FGF12: variants seen among roughly 807,000 people sequenced by gnomAD.
FGF12 encodes fibroblast growth factor 12B.
FGF12 carries 14 observed loss-of-function variants against 23.6 expected under a neutral mutation model. The observed-to-expected ratio is 0.59, with a 90% CI of 0.39 to 0.93. FGF12 has a LOEUF of 0.93. Among genes scored for constraint, FGF12 ranks in the 40% least tolerant of loss-of-function variants. The pLI, the probability that FGF12 is intolerant of heterozygous loss-of-function variation, is 0.00. For synonymous variants in FGF12, 62 were observed against 77.3 expected (o/e 0.80, Z 1.04); for missense variants, 175 against 217.8 (o/e 0.80, Z 1.24).
chr3:192,372,609 G>T lies in FGF12; in HGVS notation c.14-12071C>A, dbSNP rs544204015. ...ATTTGGGGTCTAATTCCAATTGTTT[G>T]CTTCTCTCCATCCGCACTGCCTCCA... On this transcript the variant is annotated intron_variant, in intron 2 of 5. Transcript: ENST00000445105. Among the ~76,000 whole-genome samples, 2 of 152,314 alleles carry T rather than the reference G, an allele frequency of 1.3e-5. 1 individual carries two copies. The highest frequency in any genetic ancestry group is 4.1e-4 in the South Asian group (2 of 4,832).
chr3:192,586,033 G>GA (rs34002901), intron 2 of FGF12, among the ~76,000 whole-genome samples: 17,273 of 151,942 alleles, frequency 0.11, 1,102 homozygotes, highest in Middle Eastern at 0.14. Flanking sequence ...GTCCATAAAA[G>GA]AAAAAAATCA....
At chr3:192,302,954 A>G (rs541764539) in intron 4 of FGF12, among the ~76,000 whole-genome samples, 1 of 152,358 alleles carries the variant, frequency 6.6e-6, no homozygotes, top group African/African-American at 2.4e-5. Flanking sequence ...GATTTTAAAC[A>G]TGGGAAGTCA....
intron 2 of FGF12, among the ~76,000 whole-genome samples, chr3:192,549,466 T>C (rs1194622667): frequency 6.6e-6 from 1 of 152,110 alleles, no homozygotes; most frequent in Non-Finnish European, 1.5e-5. Context: ...GTGTATAAAG[T>C]GTCAGATATA....
chr3:192,726,536 C>T (rs1221036362), intron 2 of FGF12, among the ~76,000 whole-genome samples: 1 of 152,092 alleles, frequency 6.6e-6, no homozygotes, highest in African/African-American at 2.4e-5. Flanking sequence ...TGCAGATTTG[C>T]TTATGAGGAG....
intron 4 of FGF12, among the ~76,000 whole-genome samples, chr3:192,250,711 C>A (rs1406268657): frequency 6.6e-6 from 1 of 151,678 alleles, no homozygotes; most frequent in Non-Finnish European, 1.5e-5. Context: ...AGAATCAAAA[C>A]ATAGTATAAA....
chr3:192,661,658 A>T (rs1716676682), intron 2 of FGF12, among the ~76,000 whole-genome samples: 1 of 152,242 alleles, frequency 6.6e-6, no homozygotes, highest in Non-Finnish European at 1.5e-5. Context: ...ATCCTTAAGA[A>T]CAAATCTTAA....
intron 3 of FGF12, among the ~76,000 whole-genome samples, chr3:192,341,187 A>G (rs1362674211): frequency 6.6e-6 from 1 of 152,138 alleles, no homozygotes; most frequent in African/African-American, 2.4e-5. Context: ...ACAACAAACA[A>G]ATGGCCAACA....
intron 2 of FGF12, among the ~76,000 whole-genome samples, chr3:192,482,912 T>C (rs1373971543): frequency 6.6e-6 from 1 of 152,322 alleles, no homozygotes; most frequent in East Asian, 1.9e-4. Context: ...ATGTGCATGG[T>C]AAAACACTGA....
chr3:192,474,583 A>G (rs1407497551), intron 2 of FGF12, among the ~76,000 whole-genome samples: 1 of 152,146 alleles, frequency 6.6e-6, no homozygotes, highest in Non-Finnish European at 1.5e-5. Context: ...GCCATGCCCA[A>G]AAGGTATAAA....
At chr3:192,492,620 A>G (rs1313638587) in intron 2 of FGF12, among the ~76,000 whole-genome samples, 2 of 152,218 alleles carry the variant, frequency 1.3e-5, no homozygotes, top group African/African-American at 4.8e-5. Flanking sequence ...TATAGTAGAA[A>G]AAACAGCATG....
At chr3:192,167,772 A>ATATTTT (rs1715302128) in intron 5 of FGF12, among the ~76,000 whole-genome samples, 4 of 15,402 alleles carry the variant, frequency 2.6e-4, no homozygotes, top group Admixed American at 1.2e-3. Context: ...TATATATAAA[A>ATATTTT]TTTTTTTTTT....
chr3:192,216,299 C>T lies in FGF12; in HGVS notation c.229-45643G>A, dbSNP rs189719297. On this transcript the variant is annotated intron_variant, in intron 4 of 5. Coordinates refer to ENST00000445105, the MANE Select transcript of FGF12 (RefSeq NM_004113.6). ...GAATTGGACATTGTCACACATCCAG[C>T]CATTTGTTATCTACCCCCTGGTAAT... Among the ~76,000 whole-genome samples the T allele has an allele frequency of 3.3e-3, 503 of 152,270 alleles. 5 individuals carry two copies. Among genetic ancestry groups the T allele is most frequent in the Non-Finnish European group, 5.5e-3 (372 of 68,018 alleles).
intron 4 of FGF12, among the ~76,000 whole-genome samples, chr3:192,182,496 C>A (rs183969324): frequency 3.9e-5 from 6 of 152,178 alleles, no homozygotes; most frequent in Admixed American, 3.9e-4. Context: ...ATGGCCCCTT[C>A]CTCTGAAAAA....
At chr3:192,184,951 A>T (rs1716373383) in intron 4 of FGF12, among the ~76,000 whole-genome samples, 1 of 152,222 alleles carries the variant, frequency 6.6e-6, no homozygotes, top group Admixed American at 6.5e-5. Context: ...GGTACTTGAT[A>T]TATATCTTAT....
intron 2 of FGF12, among the ~76,000 whole-genome samples, chr3:192,522,241 A>AT (rs1377229504): frequency 1.3e-5 from 2 of 151,346 alleles, no homozygotes; most frequent in African/African-American, 2.4e-5. Flanking sequence ...CTTTTTTGTG[A>AT]TTTTCCAATT....
chr3:192,389,850 T>C (rs958034077), intron 2 of FGF12, among the ~76,000 whole-genome samples: 4 of 152,220 alleles, frequency 2.6e-5, no homozygotes, highest in Admixed American at 6.5e-5. Context: ...CCATCATCCA[T>C]AATATCTGGA....
chr3:192,352,976 A>G (rs1047919744), intron 3 of FGF12, among the ~76,000 whole-genome samples: 1 of 152,200 alleles, frequency 6.6e-6, no homozygotes, highest in Non-Finnish European at 1.5e-5. Context: ...AACAAAGGGT[A>G]TTTAGGGAAA....
chr3:192,321,151 CA>C (rs900261218), intron 4 of FGF12, among the ~76,000 whole-genome samples: 46 of 152,042 alleles, frequency 3.0e-4, no homozygotes, highest in African/African-American at 1.0e-3. Context: ...CACAGAAATT[CA>C]AAGGATCACC....
intron 3 of FGF12, among the ~76,000 whole-genome samples, chr3:192,348,545 G>T (rs183959093): frequency 1.9e-3 from 282 of 152,222 alleles, no homozygotes; most frequent in African/African-American, 6.0e-3. Context: ...TGTTTAGCCT[G>T]TCTAAAGTAA....
Sources: gnomAD v4.1 joint callset for allele counts (sites outside exome capture counted in the v4.1 genomes callset) on GRCh38, gnomAD v4.1.1 for gene constraint, MANE v1.5 for transcripts, NCBI Gene and HGNC (gene_info 2026-07-23, HGNC 2026-07-21) for gene names.